The following A1CF variants were observed in gnomAD, a reference collection of about 807,000 sequenced individuals.
The protein encoded by A1CF is APOBEC-1 stimulating protein.
A1CF carries 48 observed loss-of-function variants against 68.9 expected under a neutral mutation model. That is an observed-to-expected ratio of 0.70 (90% CI 0.55 to 0.89). The LOEUF is 0.89. Ranked by LOEUF, A1CF falls within the 40% of genes least tolerant of loss-of-function variation. A1CF has a pLI of 0.00. For missense variants in A1CF, 653 were observed against 718.9 expected (o/e 0.91, Z 1.05); for synonymous variants, 272 against 260.4 (o/e 1.04, Z -0.43).
At chr10:50,866,471 G>A (rs560987419) in intron 1 of A1CF, among the ~76,000 whole-genome samples, 9 of 152,294 alleles carry the variant, frequency 5.9e-5, no homozygotes, top group African/African-American at 2.2e-4. Flanking sequence ...GTTCACTATT[G>A]GGCAAAGTTA....
chr10:50,817,562 C>T (rs1838429977), intron 8 of A1CF, among the ~76,000 whole-genome samples: 1 of 152,278 alleles, frequency 6.6e-6, no homozygotes, highest in Admixed American at 6.5e-5. Flanking sequence ...TGATATTCAA[C>T]AATCTTATAT....
At chr10:50,871,502 A>G (rs1841265631) in intron 1 of A1CF, among the ~76,000 whole-genome samples, 1 of 152,064 alleles carries the variant, frequency 6.6e-6, no homozygotes, top group Non-Finnish European at 1.5e-5. Flanking sequence ...AATTGATTTC[A>G]TAGTTCACCG....
intron 1 of A1CF, among the ~76,000 whole-genome samples, chr10:50,867,841 A>C (rs142518542): frequency 0.011 from 1,683 of 152,332 alleles, 40 homozygotes; most frequent in African/African-American, 0.037. Context: ...AATATCTGCA[A>C]CGTGGTAGAC....
At chr10:50,880,007 G>T (rs1161473195) in intron 1 of A1CF, among the ~76,000 whole-genome samples, 1 of 152,176 alleles carries the variant, frequency 6.6e-6, no homozygotes, top group African/African-American at 2.4e-5. Context: ...TTTTCACAGA[G>T]AATCAGGCTG....
At chr10:50,843,940 T>G (rs1455035856) in intron 4 of A1CF, 48 bp downstream of exon 4, 2 of 1,607,790 alleles carry the variant, frequency 1.2e-6, no homozygotes. Flanking sequence ...GAGAACAGTA[T>G]TTTTCCCTTG....
intron 2 of A1CF, among the ~76,000 whole-genome samples, chr10:50,863,725 G>A (rs1209308608): frequency 6.6e-6 from 1 of 152,144 alleles, no homozygotes; most frequent in East Asian, 1.9e-4. Context: ...TAGAGGCTGA[G>A]AAAGGTAGTG....
Position 50,816,211 on chromosome 10 carries a change from A to G in A1CF, c.936T>C (p.Tyr312=), listed in dbSNP as rs1400780180. The change falls in exon 9 of 13, where the codon TAT becomes TAC. Residue 312 remains tyrosine, a synonymous_variant. Transcript: ENST00000373997. ...KPVDKDSYVR[Y]TRGTGGRGTM... ...TGCCCCTTCCACCTGTGCCTCGGGT[A>G]TACCTAACATAACTGTCCTTGTCCA... The G allele has an allele frequency of 6.2e-7, 1 of 1,613,698 alleles. No homozygotes were observed. The highest frequency in any genetic ancestry group is 2.2e-5 in the East Asian group (1 of 44,854).
At chr10:50,809,254 G>A (rs751184865) in intron 12 of A1CF, among the ~76,000 whole-genome samples, 12 of 152,178 alleles carry the variant, frequency 7.9e-5, no homozygotes, top group Non-Finnish European at 1.5e-4. Flanking sequence ...AATAAATTGA[G>A]TTGAGTCCTG....
chr10:50,851,503 A>G (rs940441024), intron 3 of A1CF, among the ~76,000 whole-genome samples: 5 of 152,246 alleles, frequency 3.3e-5, no homozygotes, highest in Non-Finnish European at 7.3e-5. Flanking sequence ...AAAAGAAAAT[A>G]TATTGTTCTT....
intron 5 of A1CF, among the ~76,000 whole-genome samples, chr10:50,840,102 A>G (rs909273221): frequency 6.6e-6 from 1 of 152,152 alleles, no homozygotes; most frequent in Non-Finnish European, 1.5e-5. Context: ...AGGATAATGT[A>G]TGACTTCTTT....
At chr10:50,850,514 C>T in intron 3 of A1CF, 1 of 1,042,458 alleles carries the variant, frequency 9.6e-7, no homozygotes, top group South Asian at 1.4e-5. Context: ...AAACAGAAAA[C>T]ATTTTGTCAG....
chr10:50,859,318 T>C (rs985686300), intron 3 of A1CF, among the ~76,000 whole-genome samples: 1 of 152,204 alleles, frequency 6.6e-6, no homozygotes, highest in African/African-American at 2.4e-5. Flanking sequence ...TTGTGGTGTT[T>C]TCTTTTTTCC....
In A1CF at chr10:50,802,097, C is replaced by T. The variant is rs1265088270; in HGVS notation, c.*4632G>A. 1 of 152,090 alleles carries T rather than the reference C, an allele frequency of 6.6e-6. No individual in the cohort carries two copies. Among genetic ancestry groups the T allele is most frequent in the African/African-American group, 2.4e-5 (1 of 41,428 alleles). 9.4% of individuals were successfully genotyped at this position (152,090 alleles called of 1,614,324 possible). ...TAATAAAAAAAGCTTAAATATTTTA[C>T]TTTTTAAGAGAGGGAATGGGAGTCA... is the stretch of plus-strand genomic sequence containing the variant. On this transcript the variant is annotated 3_prime_UTR_variant, in exon 13 of 13. Coordinates refer to ENST00000373997, the MANE Select transcript of A1CF (RefSeq NM_014576.4).
chr10:50,810,013 GC>G lies in A1CF; in HGVS notation c.1489del (p.Ala497ProfsTer60), dbSNP rs1327976893. 1 of 1,613,818 alleles carries G rather than the reference GC, an allele frequency of 6.2e-7. No homozygotes were observed. Among genetic ancestry groups the G allele is most frequent in the African/African-American group, 1.3e-5 (1 of 74,914 alleles). ...IHPFTPPKLS[A>X]FVDEAKTYAA... The stretch of plus-strand genomic sequence containing the variant: ...ATACGTCTTTGCTTCATCCACAAAG[GC>G]ACTCAGCTTTGGAGGTGTGAAAGGG... On this transcript the variant is annotated frameshift_variant, in exon 12 of 13. Coordinates refer to ENST00000373997, the MANE Select transcript of A1CF (RefSeq NM_014576.4). LOFTEE classifies it high-confidence loss of function.
chr10:50,814,540 A>T (rs1014562091), intron 9 of A1CF, among the ~76,000 whole-genome samples: 32 of 152,186 alleles, frequency 2.1e-4, no homozygotes, highest in African/African-American at 7.7e-4. Context: ...TGTAAAACAA[A>T]CATTTAGAAA....
At chr10:50,885,338 G>A (rs770760492) in intron 1 of A1CF, among the ~76,000 whole-genome samples, 15 of 152,108 alleles carry the variant, frequency 9.9e-5, no homozygotes, top group African/African-American at 3.4e-4. Flanking sequence ...TGAACCCTCC[G>A]TGGTAAGTCT....
intron 4 of A1CF, among the ~76,000 whole-genome samples, 162 bp downstream of exon 4, chr10:50,843,826 A>C (rs1839881204): frequency 6.6e-6 from 1 of 152,250 alleles, no homozygotes; most frequent in South Asian, 2.1e-4. Context: ...CAAGGCAGTG[A>C]TTATAAAGAG....
intron 6 of A1CF, among the ~76,000 whole-genome samples, chr10:50,833,706 G>A (rs1036202420): frequency 1.3e-5 from 2 of 152,186 alleles, no homozygotes; most frequent in African/African-American, 4.8e-5. Flanking sequence ...TTGTGGGTGA[G>A]TCTGCAATGG....
At chr10:50,853,674 T>G (rs1000143023) in intron 3 of A1CF, among the ~76,000 whole-genome samples, 5 of 151,882 alleles carry the variant, frequency 3.3e-5, no homozygotes, top group African/African-American at 1.2e-4. Context: ...AAATACTAAA[T>G]TAAAGAATTT....
Sources: allele counts gnomAD v4.1 joint callset (sites outside exome capture counted in the v4.1 genomes callset), GRCh38; gene constraint gnomAD v4.1.1; transcripts MANE v1.5; gene names NCBI Gene and HGNC (gene_info 2026-07-23, HGNC 2026-07-21).